The following KIRREL3 variants were observed in gnomAD, a reference collection of about 807,000 sequenced individuals.
KIRREL3 encodes the protein kin of IRRE-like protein 3.
Under a neutral mutation model 89.7 loss-of-function variants are expected in KIRREL3, and 36 were observed. The ratio of observed to expected loss-of-function variants is 0.40; its 90% CI spans 0.31 to 0.53. KIRREL3 has a LOEUF of 0.53. Among genes scored for constraint, KIRREL3 ranks in the 20% least tolerant of loss-of-function variants. KIRREL3 has a pLI of 0.49. For missense variants in KIRREL3, 864 were observed against 1,056.6 expected, an observed-to-expected ratio of 0.82 and a Z score of 2.53; for synonymous variants, 445 against 441.4, an observed-to-expected ratio of 1.01 and a Z score of -0.10.
At chr11:126,497,289 TGAGA>T (rs138364553) in intron 4 of KIRREL3, among the ~76,000 whole-genome samples, 4 of 150,668 alleles carry the variant, frequency 2.7e-5, no homozygotes, top group African/African-American at 7.3e-5. Flanking sequence ...GGTGTGTGTG[TGAGA>T]GAGAGAGAGA....
intron 1 of KIRREL3, among the ~76,000 whole-genome samples, chr11:126,833,089 G>A (rs924388678): frequency 1.3e-5 from 2 of 152,110 alleles, no homozygotes; most frequent in Non-Finnish European, 2.9e-5. Flanking sequence ...GGATCATTCA[G>A]GTTCTCTTAT....
chr11:126,815,880 C>T, intron 1 of KIRREL3, among the ~76,000 whole-genome samples: 1 of 152,092 alleles, frequency 6.6e-6, no homozygotes, highest in East Asian at 1.9e-4. Flanking sequence ...TCTCTTTTCC[C>T]TTTGAGGCAG....
intron 1 of KIRREL3, among the ~76,000 whole-genome samples, chr11:126,800,428 A>C (rs531292780): frequency 5.3e-5 from 8 of 152,322 alleles, no homozygotes; most frequent in African/African-American, 1.9e-4. Flanking sequence ...TGGAGGCTAC[A>C]GAAACGGTCT....
At position 126,991,021 on chromosome 11, in the gene KIRREL3, G is replaced by C. The variant is rs1950019957; in HGVS notation, c.55+9434C>G. Among the ~76,000 whole-genome samples, 1 of 152,204 alleles carries C rather than the reference G, an allele frequency of 6.6e-6. No individual in the cohort carries two copies. The highest frequency in any genetic ancestry group is 1.5e-5 in the Non-Finnish European group (1 of 68,044). ...ACAGGTGGACTGTCACACTGCACCA[G>C]AGCCGAGTCACCTGTGACATTTGCA... On this transcript the variant is annotated intron_variant, in intron 1 of 16. Coordinates refer to ENST00000525144, the MANE Select transcript of KIRREL3 (RefSeq NM_032531.4). This position sits in a 1 kb window ranked among gnomAD's most constrained non-coding sequence, Gnocchi z 5.8.
At chr11:126,726,631 G>T (rs986631692) in intron 1 of KIRREL3, among the ~76,000 whole-genome samples, 1 of 152,082 alleles carries the variant, frequency 6.6e-6, no homozygotes, top group South Asian at 2.1e-4. Flanking sequence ...GCCTCCCAAA[G>T]TGCTAGGATA....
At chr11:126,648,708 A>G (rs1271308169) in intron 1 of KIRREL3, among the ~76,000 whole-genome samples, 1 of 152,256 alleles carries the variant, frequency 6.6e-6, no homozygotes, top group Non-Finnish European at 1.5e-5. Flanking sequence ...TAATGAGTGC[A>G]TGTAATAAAT....
rs948125534 is a variant in KIRREL3, at chr11:126,909,333, A to G, written c.55+91122T>C. ...GGGATCAACTGTGGACTTCTTCACT[A>G]GCCTGAGAGTTCCTCAAGGCAAGAG... On this transcript the variant is annotated intron_variant, in intron 1 of 16. Coordinates refer to ENST00000525144, the MANE Select transcript of KIRREL3 (RefSeq NM_032531.4). The surrounding 1 kb of genome is among the most constrained non-coding windows in gnomAD (Gnocchi z 4.5). Among the ~76,000 whole-genome samples the G allele has an allele frequency of 2.6e-5, 4 of 152,176 alleles. No individual in the cohort carries two copies. The highest frequency in any genetic ancestry group is 9.7e-5 in the African/African-American group (4 of 41,444).
At chr11:126,681,714 G>A (rs1946465252) in intron 1 of KIRREL3, 2 of 352,598 alleles carry the variant, frequency 5.7e-6, no homozygotes, top group Non-Finnish European at 1.1e-5. Flanking sequence ...TATAGTAGGT[G>A]ATCAATAAAC....
intron 1 of KIRREL3, among the ~76,000 whole-genome samples, chr11:126,986,389 G>A (rs558901694): frequency 2.6e-5 from 4 of 152,132 alleles, no homozygotes; most frequent in Admixed American, 6.5e-5. Flanking sequence ...AAGAATTCTC[G>A]GGGTGCATTA....
rs1379726498 is a variant in KIRREL3, at chr11:126,904,642, T to A, written c.55+95813A>T. Among the ~76,000 whole-genome samples the A allele has an allele frequency of 6.6e-6, 1 of 152,236 alleles. No individual in the cohort carries two copies. The highest frequency in any genetic ancestry group is 1.5e-5 in the Non-Finnish European group (1 of 68,034). The stretch of plus-strand genomic sequence containing the variant: ...ATAATCTGTCTTACAAGGCTGTTCT[T>A]ACTTATACCAAGAACAATCTGTCTC... On this transcript the variant is annotated intron_variant, in intron 1 of 16. Transcript: ENST00000525144. This position sits in a 1 kb window ranked among gnomAD's most constrained non-coding sequence, Gnocchi z 4.4.
chr11:126,450,411 ATGTG>A (rs759208151), intron 7 of KIRREL3, among the ~76,000 whole-genome samples: 1 of 140,674 alleles, frequency 7.1e-6, no homozygotes, highest in African/African-American at 2.8e-5. Context: ...GAGTGTGTGC[ATGTG>A]TGAGTGGGCA....
rs2134457631 is a variant in KIRREL3 at position 126,531,268 on chromosome 11, C to T, written c.134-4581G>A. Reference sequence around the variant, plus strand: ...GTTGCCTCAACCTGGGCTCTTGCCACAGACTCTGAATGTTCTCTTTGCCTG... The same window carrying T: ...GTTGCCTCAACCTGGGCTCTTGCCATAGACTCTGAATGTTCTCTTTGCCTG... On this transcript the variant is annotated intron_variant, in intron 2 of 16. Transcript: ENST00000525144. The surrounding 1 kb of genome is among the most constrained non-coding windows in gnomAD (Gnocchi z 4.7). 6.6e-6 allele frequency among the ~76,000 whole-genome samples: 1 copy of T among 152,342 alleles called. No homozygotes were observed. Among genetic ancestry groups the T allele is most frequent in the African/African-American group, 2.4e-5 (1 of 41,572 alleles).
chr11:126,641,563 T>C lies in KIRREL3; in HGVS notation c.56-78651A>G, dbSNP rs1944473895. Among the ~76,000 whole-genome samples the C allele has an allele frequency of 6.6e-6, 1 of 152,104 alleles. No homozygotes were observed. The highest frequency in any genetic ancestry group is 1.5e-5 in the Non-Finnish European group (1 of 68,032). On this transcript the variant is annotated intron_variant, in intron 1 of 16. Transcript: ENST00000525144. This position sits in a 1 kb window ranked among gnomAD's most constrained non-coding sequence, Gnocchi z 5.0. ...AAATAACATTCTGGCCAGTGGGATA[T>C]GTCTCACCAATCCATTTACAGGTCG...
rs1771180049 is a variant in KIRREL3 at position 126,544,799 on chromosome 11, C to T, written c.133+18036G>A. 6.6e-6 allele frequency among the ~76,000 whole-genome samples: 1 copy of T among 152,244 alleles called. No homozygotes were observed. The highest frequency in any genetic ancestry group is 2.1e-4 in the South Asian group (1 of 4,812). On this transcript the variant is annotated intron_variant, in intron 2 of 16. Coordinates refer to ENST00000525144, the MANE Select transcript of KIRREL3 (RefSeq NM_032531.4). The surrounding 1 kb of genome is among the most constrained non-coding windows in gnomAD (Gnocchi z 5.6). ...AAGTCCGTTGCTGCCTGGGAAGCAG[C>T]CATTCCTGGACACTTGGCCGACATT... is the stretch of plus-strand genomic sequence containing the variant.
intron 1 of KIRREL3, among the ~76,000 whole-genome samples, chr11:126,757,075 T>C (rs907199029): frequency 6.6e-6 from 1 of 152,168 alleles, no homozygotes; most frequent in African/African-American, 2.4e-5. Context: ...TTTCTGAGCA[T>C]TGGCAATCAA....
intron 2 of KIRREL3, among the ~76,000 whole-genome samples, chr11:126,540,510 G>A (rs931335765): frequency 3.9e-5 from 6 of 152,206 alleles, no homozygotes; most frequent in African/African-American, 1.4e-4. Context: ...CGGGCTGGCC[G>A]AGGCAGGGTG....
In KIRREL3 at chr11:126,498,971, C is replaced by T. The variant is rs1054548527; in HGVS notation, c.433+22344G>A. 7.2e-5 allele frequency among the ~76,000 whole-genome samples: 11 copies of T among 152,064 alleles called. No homozygotes were observed. Among genetic ancestry groups the T allele is most frequent in the Admixed American group, 5.9e-4 (9 of 15,260 alleles). On this transcript the variant is annotated intron_variant, in intron 4 of 16. Transcript: ENST00000525144. This position sits in a 1 kb window ranked among gnomAD's most constrained non-coding sequence, Gnocchi z 4.3. ...CCTGAGGTCATGAGTTTGAGACCAG[C>T]TTGGGCAACATGGCCAGCATTTAAT...
At chr11:126,657,683 G>T (rs1007856489) in intron 1 of KIRREL3, among the ~76,000 whole-genome samples, 1 of 152,188 alleles carries the variant, frequency 6.6e-6, no homozygotes, top group Admixed American at 6.5e-5. Flanking sequence ...GACTGCGCTA[G>T]CTTGGGAGGG....
Position 126,521,536 on chromosome 11 carries a change from A to C in KIRREL3, c.284-72T>G. 7.2e-7 allele frequency: 1 copy of C among 1,386,970 alleles called. No homozygotes were observed. The allele number at this position is 1,386,970 out of a possible 1,614,324, so 85.9% of individuals were successfully genotyped here. A position where few individuals can be genotyped will look rare whatever the true frequency, so the allele number is the denominator to read the frequency against. On this transcript the variant is annotated intron_variant, in intron 3 of 16. Transcript: ENST00000525144. The surrounding 1 kb of genome is among the most constrained non-coding windows in gnomAD (Gnocchi z 4.1). Reference sequence around the variant, plus strand: ...GACACCCATGACAAAGAGGCACAGAATGGAGGACCCAAGCAGGGGCCATTC... The same window carrying C: ...GACACCCATGACAAAGAGGCACAGACTGGAGGACCCAAGCAGGGGCCATTC...
Sources: allele counts gnomAD v4.1 joint callset (sites outside exome capture counted in the v4.1 genomes callset), GRCh38; gene constraint gnomAD v4.1.1; non-coding constraint Gnocchi (gnomAD v3.1); transcripts MANE v1.5; gene names NCBI Gene and HGNC (gene_info 2026-07-23, HGNC 2026-07-21).